The following RSAD2 variants were observed in gnomAD, a reference collection of about 807,000 sequenced individuals.
RSAD2 encodes radical S-adenosyl methionine domain containing 2.
In RSAD2, 38 loss-of-function variants were observed where a neutral mutation model predicts 37.7. The observed-to-expected ratio is 1.01, with a 90% CI of 0.78 to 1.32. RSAD2 has a LOEUF of 1.32. RSAD2 is among the 40% of genes most tolerant of loss of function. The pLI is 0.00. For missense variants in RSAD2, 428 were observed against 437.5 expected (o/e 0.98, Z 0.19); for synonymous variants, 163 against 157.4 (o/e 1.04, Z -0.27).
intron 2 of RSAD2, among the ~76,000 whole-genome samples, chr2:6,884,267 A>T (rs1663472208): frequency 1.3e-5 from 2 of 152,266 alleles, no homozygotes. Flanking sequence ...TGGTGCGGAC[A>T]TGGACTGTGG....
intron 2 of RSAD2, among the ~76,000 whole-genome samples, chr2:6,884,835 C>A (rs1663484074): frequency 6.6e-6 from 1 of 152,128 alleles, no homozygotes; most frequent in East Asian, 1.9e-4. Context: ...TTTGGATGAT[C>A]CTCAAATTAT....
intron 1 of RSAD2, among the ~76,000 whole-genome samples, chr2:6,868,758 C>T (rs1219820679): frequency 2.0e-5 from 3 of 152,216 alleles, no homozygotes; most frequent in Non-Finnish European, 4.4e-5. Context: ...GTTGATACAG[C>T]TACCTTTGAG....
chr2:6,895,329 C>A lies in RSAD2; in HGVS notation c.922-449C>A, dbSNP rs1663751357. Among the ~76,000 whole-genome samples, 5 of 152,308 alleles carry A rather than the reference C, an allele frequency of 3.3e-5. No homozygotes were observed. In the South Asian group the frequency reaches 1.0e-3, roughly 32 times the overall value. ...TAATATTTACATATATGCATGCATG[C>A]ACGGATGCATGCACATCATTACTAT... is the stretch of plus-strand genomic sequence containing the variant. On this transcript the variant is annotated intron_variant, in intron 5 of 5. Coordinates refer to ENST00000382040, the MANE Select transcript of RSAD2 (RefSeq NM_080657.5).
At position 6,877,991 on chromosome 2, in the gene RSAD2, A is replaced by G; in HGVS notation, c.191A>G (p.Glu64Gly). 1 of 1,614,118 alleles carries G rather than the reference A, an allele frequency of 6.2e-7. No individual in the cohort carries two copies. Residue 64 changes from glutamate to glycine, a missense_variant, in exon 1 of 6, where the codon GAG becomes GGG. Coordinates refer to ENST00000382040, the MANE Select transcript of RSAD2 (RefSeq NM_080657.5). ...CCAGATGAGACCAAAGAGGAGGAAG[A>G]GGACCCTCCTCTGCCCACCACCCCA... ...RGPDETKEEE[E>G]DPPLPTTPTS...
rs1663765502 is a variant in RSAD2, at chr2:6,895,895, G to A, written c.1039G>A (p.Gly347Arg). 3 of 1,614,176 alleles carry A rather than the reference G, an allele frequency of 1.9e-6. No homozygotes were observed. The highest frequency in any genetic ancestry group is 2.5e-6 in the Non-Finnish European group (3 of 1,179,998). ...GFDEKMFLKRGGKYIWSKADL... is the reference protein window; with the variant it reads ...GFDEKMFLKRRGKYIWSKADL... The stretch of plus-strand genomic sequence containing the variant: ...TGATGAAAAGATGTTTCTGAAGCGA[G>A]GAGGAAAATACATATGGAGTAAGGC... Residue 347 changes from glycine (G) to arginine (R), a missense_variant, in exon 6 of 6, where the codon GGA becomes AGA. Physicochemically the swap from Gly to Arg is moderately radical, Grantham distance 125. Transcript: ENST00000382040.
rs1663790078 is a variant in RSAD2, at chr2:6,897,017, G to A, written c.*1075G>A. ...GAATGTGAGCAAGAGTAGAGAGAGTGCCTGGATTTCATGTCAGTGAAGCCA... is the reference window on the plus strand; with the variant it reads ...GAATGTGAGCAAGAGTAGAGAGAGTACCTGGATTTCATGTCAGTGAAGCCA... On this transcript the variant is annotated 3_prime_UTR_variant, in exon 6 of 6. Transcript: ENST00000382040. 1 of 152,170 alleles carries A rather than the reference G, an allele frequency of 6.6e-6. No individual in the cohort carries two copies. Among genetic ancestry groups the A allele is most frequent in the Admixed American group, 6.5e-5 (1 of 15,272 alleles). The allele number at this position is 152,170 out of a possible 1,614,324, so 9.4% of individuals were successfully genotyped here.
At chr2:6,875,425 G>A (rs1470302624), upstream of RSAD2, among the ~76,000 whole-genome samples, 9 of 152,198 alleles carry the variant, frequency 5.9e-5, no homozygotes, top group Admixed American at 5.2e-4. Flanking sequence ...GGGCTACTCT[G>A]TCCATCCTTA....
At chr2:6,866,048 AGC>A (rs1663079230) in intron 1 of RSAD2, 1 of 330,192 alleles carries the variant, frequency 3.0e-6, no homozygotes, top group African/African-American at 2.2e-5. Context: ...GCCCCAAGGT[AGC>A]TCCGTGTGCG....
chr2:6,877,573 C>T (rs1663306881), upstream of RSAD2: 6 of 554,168 alleles, frequency 1.1e-5, no homozygotes, highest in East Asian at 1.8e-4. Flanking sequence ...CAGCCGTGAG[C>T]AGAGAAACCA....
upstream of RSAD2, among the ~76,000 whole-genome samples, chr2:6,873,985 A>G (rs1001476521): frequency 7.2e-5 from 11 of 152,184 alleles, no homozygotes; most frequent in African/African-American, 2.2e-4. Context: ...GTAAACCTCA[A>G]TGTTGGAGGT....
chr2:6,886,847 C>A (rs1663531434), intron 2 of RSAD2, 88 bp from the exon 3 acceptor site: 3 of 906,500 alleles, frequency 3.3e-6, no homozygotes, highest in African/African-American at 1.7e-5. Context: ...AAAATTTAAA[C>A]AAGATATATT....
chr2:6,873,005 T>G (rs1663225995), upstream of RSAD2, among the ~76,000 whole-genome samples: 1 of 152,206 alleles, frequency 6.6e-6, no homozygotes, highest in Non-Finnish European at 1.5e-5. Context: ...TTTCCTGTTT[T>G]CAGGTTGTAA....
chr2:6,890,127 A>G, intron 3 of RSAD2, 49 bp from the exon 4 acceptor site: 1 of 1,594,692 alleles, frequency 6.3e-7, no homozygotes, highest in Non-Finnish European at 8.6e-7. Context: ...TTTGGGGGAA[A>G]ACACGATGGA....
intron 1 of RSAD2, chr2:6,866,465 C>T: frequency 1.0e-6 from 1 of 985,722 alleles, no homozygotes; most frequent in African/African-American, 1.7e-5. Flanking sequence ...ATTGCCCTCT[C>T]CCTTTTGCTG....
chr2:6,879,174 A>G lies in RSAD2; in HGVS notation c.346+1028A>G, dbSNP rs190620331. Reference sequence around the variant, plus strand: ...CCACGTTACATTGGCTTAGTTACCCAAAGCTGATTGCTCAAATGAGAACCT... The same window carrying G: ...CCACGTTACATTGGCTTAGTTACCCGAAGCTGATTGCTCAAATGAGAACCT... On this transcript the variant is annotated intron_variant, in intron 1 of 5. Coordinates refer to ENST00000382040, the MANE Select transcript of RSAD2 (RefSeq NM_080657.5). The G allele has an allele frequency of 1.1e-3, 479 of 421,258 alleles. 6 individuals carry two copies. Among genetic ancestry groups the G allele is most frequent in the Non-Finnish European group, 4.7e-4 (95 of 203,818 alleles). The allele number at this position is 421,258 out of a possible 1,614,324, so 26.1% of individuals were successfully genotyped here.
intron 1 of RSAD2, among the ~76,000 whole-genome samples, chr2:6,868,006 A>G (rs1486879258): frequency 1.3e-5 from 2 of 152,312 alleles, no homozygotes; most frequent in African/African-American, 4.8e-5. Context: ...GGATGTTTAT[A>G]TTGACTAAAC....
intron 3 of RSAD2, 41 bp from the exon 4 acceptor site, chr2:6,890,135 G>T: frequency 6.2e-7 from 1 of 1,603,130 alleles, no homozygotes; most frequent in African/African-American, 1.3e-5. Flanking sequence ...AAAACACGAT[G>T]GAAAGCTCTC....
intron 3 of RSAD2, 122 bp downstream of exon 3, chr2:6,887,286 A>G: frequency 1.5e-6 from 1 of 673,252 alleles, no homozygotes; most frequent in Non-Finnish European, 2.6e-6. Context: ...GCCAGTCCAG[A>G]AGTCAGGTCC....
At chr2:6,877,238 G>A (rs1309704656), upstream of RSAD2, 1 of 152,230 alleles carries the variant, frequency 6.6e-6, no homozygotes, top group African/African-American at 2.4e-5. Flanking sequence ...AATAGCTGAT[G>A]GAATAAGACC....
Sources: allele counts gnomAD v4.1 joint callset (sites outside exome capture counted in the v4.1 genomes callset), GRCh38; gene constraint gnomAD v4.1.1; transcripts MANE v1.5; gene names NCBI Gene and HGNC (gene_info 2026-07-23, HGNC 2026-07-21).